Variants in HAVCR2 observed in about 807,000 individuals in gnomAD.
HAVCR2 encodes T cell immunoglobulin mucin 3.
HAVCR2 carries 13 observed loss-of-function variants against 24.7 expected under a neutral mutation model. The observed-to-expected ratio is 0.53, with a 90% CI of 0.34 to 0.84. The LOEUF (loss-of-function observed/expected upper bound fraction) is 0.84. HAVCR2 is among the 40% of genes least tolerant of loss of function. The pLI is 0.01. For synonymous variants in HAVCR2, 154 were observed against 143.4 expected (o/e 1.07, Z -0.53); for missense variants, 343 against 371.2 (o/e 0.92, Z 0.62).
intron 2 of HAVCR2, 108 bp from the exon 3 acceptor site, chr5:157,104,857 G>T: frequency 1.5e-6 from 1 of 673,278 alleles, no homozygotes; most frequent in Non-Finnish European, 2.6e-6. Flanking sequence ...TTAAGAAAGA[G>T]AAATACACCC....
chr5:157,091,675 T>C, intron 5 of HAVCR2, among the ~76,000 whole-genome samples: 1 of 152,112 alleles, frequency 6.6e-6, no homozygotes, highest in East Asian at 1.9e-4. Context: ...AGAACATATA[T>C]TCTGCTAATG....
rs1221222327 is a variant in HAVCR2, at chr5:157,087,147, C to A, written c.861G>T (p.Arg287Ser). 6 of 1,614,052 alleles carry A rather than the reference C, an allele frequency of 3.7e-6. No homozygotes were observed. The highest frequency in any genetic ancestry group is 5.1e-6 in the Non-Finnish European group (6 of 1,180,004). ...AACCCAAAGGTTGTGAGGGTTGCTG[C>A]CTGCTGCTGACATAGCAATAATACT... ...PNEYYCYVSS[R>S]QQPSQPLGCR... Residue 287 changes from arginine (R) to serine (S), a missense_variant, in exon 7 of 7, where the codon AGG becomes AGT. Coordinates refer to ENST00000307851, the MANE Select transcript of HAVCR2 (RefSeq NM_032782.5).
intron 1 of HAVCR2, among the ~76,000 whole-genome samples, chr5:157,107,653 A>C (rs1757271720): frequency 1.3e-5 from 2 of 152,196 alleles, no homozygotes; most frequent in Non-Finnish European, 2.9e-5. Flanking sequence ...TTCCTGAATA[A>C]GATGGCTACA....
intron 5 of HAVCR2, among the ~76,000 whole-genome samples, chr5:157,092,591 C>A (rs1757020439): frequency 6.6e-6 from 1 of 151,926 alleles, no homozygotes; most frequent in African/African-American, 2.4e-5. Flanking sequence ...GAATTATAGG[C>A]ATGTGCCCCC....
At chr5:157,107,873 T>C (rs1757274804) in intron 1 of HAVCR2, among the ~76,000 whole-genome samples, 1 of 144,950 alleles carries the variant, frequency 6.9e-6, no homozygotes, top group African/African-American at 2.5e-5. Context: ...CCCCCCCTTT[T>C]TTATGTGAAA....
chr5:157,093,426 G>C (rs1202432354), intron 5 of HAVCR2, among the ~76,000 whole-genome samples: 1 of 152,080 alleles, frequency 6.6e-6, no homozygotes, highest in Non-Finnish European at 1.5e-5. Context: ...CACAGTTAGT[G>C]GGGGGACCAA....
At chr5:157,098,312 C>G (rs1033713854) in intron 4 of HAVCR2, among the ~76,000 whole-genome samples, 2 of 151,626 alleles carry the variant, frequency 1.3e-5, no homozygotes, top group Admixed American at 1.3e-4. Context: ...AAGGCTGAGG[C>G]AGGAGAATCG....
chr5:157,102,955 G>T (rs1281560098), intron 3 of HAVCR2, among the ~76,000 whole-genome samples: 1 of 138,470 alleles, frequency 7.2e-6, no homozygotes, highest in African/African-American at 2.7e-5. Context: ...AAAAAGGAAA[G>T]AAAAACTAAA....
In HAVCR2 at chr5:157,104,725, C is replaced by A. The variant is rs1036199; in HGVS notation, c.419G>T (p.Arg140Leu). The A allele has an allele frequency of 0.83, 1,335,289 of 1,600,776 alleles. 558,802 individuals carry two copies. Among genetic ancestry groups the A allele is most frequent in the East Asian group, 0.98 (44,015 of 44,772 alleles). Reference sequence around the variant, plus strand: ...AAAGGCTGCAGTGAAGTCTCTCTGCCGAGTCGGTGCAGGGGTGACCTTGGC... The same window carrying A: ...AAAGGCTGCAGTGAAGTCTCTCTGCAGAGTCGGTGCAGGGGTGACCTTGGC... Reference protein sequence around the residue: ...KPAKVTPAPTRQRDFTAAFPR... With the variant: ...KPAKVTPAPTLQRDFTAAFPR... The change falls in exon 3 of 7, where the codon CGG becomes CTG. Residue 140 changes from arginine to leucine, a missense_variant. By Grantham distance (102) the Arg-to-Leu change is moderately radical. Transcript: ENST00000307851.
intron 3 of HAVCR2, 22 bp from the exon 4 acceptor site, chr5:157,098,923 G>A (rs1300054995): frequency 1.2e-6 from 2 of 1,607,806 alleles, no homozygotes; most frequent in Non-Finnish European, 1.7e-6. Flanking sequence ...GAGAGAGAGA[G>A]AGAGAGAGGA....
intron 2 of HAVCR2, among the ~76,000 whole-genome samples, chr5:157,105,580 T>C (rs1269873033): frequency 1.3e-5 from 2 of 152,250 alleles, no homozygotes; most frequent in Admixed American, 6.5e-5. Flanking sequence ...GCCCACATGA[T>C]CGGTATTATT....
chr5:157,108,849 A>G, intron 1 of HAVCR2, 77 bp downstream of exon 1: 14 of 1,397,348 alleles, frequency 1.0e-5, no homozygotes, highest in Non-Finnish European at 1.4e-5. Flanking sequence ...CAACATTACA[A>G]TGGCCATCCT....
chr5:157,088,850 G>A (rs941656836), intron 6 of HAVCR2, 91 bp downstream of exon 6: 1 of 1,123,884 alleles, frequency 8.9e-7, no homozygotes, highest in South Asian at 1.3e-5. Context: ...CAAAGCCCCA[G>A]GACAGGATTT....
At chr5:157,093,498 C>A (rs1757042428) in intron 5 of HAVCR2, among the ~76,000 whole-genome samples, 1 of 152,116 alleles carries the variant, frequency 6.6e-6, no homozygotes, top group Non-Finnish European at 1.5e-5. Flanking sequence ...CTTAGGAACA[C>A]CCTTTAGTCT....
rs1581763917 is a variant in HAVCR2 at position 157,106,720 on chromosome 5, T to G, written c.301A>C (p.Thr101Pro). ...CAGTAGATCCCACTGTCTGCTAGAG[T>G]CACATTCTCTATGGTCAGGGACACA... ...GDVSLTIENV[T>P]LADSGIYCCR... is the part of the protein sequence containing the mutation. Residue 101 changes from threonine to proline, a missense_variant, in exon 2 of 7, where the codon ACT becomes CCT. Thr to Pro is a conservative substitution (Grantham distance 38). Transcript: ENST00000307851. The G allele has an allele frequency of 6.2e-7, 1 of 1,614,156 alleles. No homozygotes were observed. The highest frequency in any genetic ancestry group is 8.5e-7 in the Non-Finnish European group (1 of 1,180,008).
At chr5:157,089,061 G>A (rs373583005) in intron 5 of HAVCR2, 84 bp from the exon 6 acceptor site, 11 of 1,227,184 alleles carry the variant, frequency 9.0e-6, no homozygotes, top group African/African-American at 3.0e-5. Context: ...CTGGAAGCAC[G>A]CATAGTTTAG....
At chr5:157,099,798 C>G (rs1409871102) in intron 3 of HAVCR2, among the ~76,000 whole-genome samples, 1 of 152,012 alleles carries the variant, frequency 6.6e-6, no homozygotes, top group African/African-American at 2.4e-5. Context: ...TGAGTTCAAG[C>G]GATTCTCCTG....
At chr5:157,107,919 T>G (rs1757275507) in intron 1 of HAVCR2, among the ~76,000 whole-genome samples, 1 of 149,808 alleles carries the variant, frequency 6.7e-6, no homozygotes, top group Admixed American at 6.7e-5. Context: ...TTGTCCCCTT[T>G]AAATCTGGAG....
intron 5 of HAVCR2, among the ~76,000 whole-genome samples, chr5:157,093,731 G>C (rs894781907): frequency 5.9e-5 from 9 of 152,144 alleles, no homozygotes; most frequent in African/African-American, 4.8e-5. Context: ...CGGATCACAA[G>C]GTCAGGAGAT....
Sources: gnomAD v4.1 joint callset for allele counts (sites outside exome capture counted in the v4.1 genomes callset) on GRCh38, gnomAD v4.1.1 for gene constraint, MANE v1.5 for transcripts, NCBI Gene and HGNC (gene_info 2026-07-23, HGNC 2026-07-21) for gene names.